CFAP20: variants seen among roughly 807,000 people sequenced by gnomAD.
CFAP20 encodes the protein cilia and flagella associated protein 20, also known as cilia- and flagella-associated protein 20.
A neutral mutation model predicts 25.5 loss-of-function variants in CFAP20; 14 were observed. That is an observed-to-expected ratio of 0.55 (90% CI 0.36 to 0.86). The LOEUF is 0.86. Ranked by LOEUF, CFAP20 falls within the 40% of genes least tolerant of loss-of-function variation. The probability of loss-of-function intolerance (pLI) is 0.01; values close to 1 mark genes in which losing one functional copy is unlikely to be tolerated. For missense variants in CFAP20, 181 were observed against 248.0 expected, an observed-to-expected ratio of 0.73 and a Z score of 1.81; for synonymous variants, 75 against 91.1, an observed-to-expected ratio of 0.82 and a Z score of 1.01.
chr16:58,123,195 A>G (rs528006564), intron 1 of CFAP20, among the ~76,000 whole-genome samples: 49 of 151,362 alleles, frequency 3.2e-4, no homozygotes, highest in Admixed American at 2.7e-3. Context: ...GGATTTCTTC[A>G]TGTTGGTCAG....
intron 3 of CFAP20, 61 bp downstream of exon 3, chr16:58,115,980 A>C: frequency 8.2e-7 from 1 of 1,215,490 alleles, no homozygotes; most frequent in Non-Finnish European, 1.2e-6. Flanking sequence ...TTTTCCCATC[A>C]GTTCAAAGGC....
At position 58,123,234 on chromosome 16, in the gene CFAP20, G is replaced by A. The variant is rs1333290215; in HGVS notation, c.84+5798C>T. On this transcript the variant is annotated intron_variant, in intron 1 of 5. Transcript: ENST00000262498. The stretch of plus-strand genomic sequence containing the variant: ...GGTCTTGAACTCCTGACCTCAGCTC[G>A]CCTTGGCCTCCCAAAGTGCTAGGAT... Among the ~76,000 whole-genome samples, 7 of 149,624 alleles carry A rather than the reference G, an allele frequency of 4.7e-5. No individual in the cohort carries two copies. In the South Asian group the frequency reaches 1.5e-3, roughly 31 times the overall value.
At chr16:58,126,913 A>G (rs1960621651) in intron 1 of CFAP20, among the ~76,000 whole-genome samples, 1 of 152,216 alleles carries the variant, frequency 6.6e-6, no homozygotes, top group Non-Finnish European at 1.5e-5. Context: ...CCTTGCCCCA[A>G]GAGGGGAAAA....
Position 58,117,070 on chromosome 16 carries a change from A to G in CFAP20, c.85-119T>C, listed in dbSNP as rs2270918. On this transcript the variant is annotated intron_variant, in intron 1 of 5. Transcript: ENST00000262498. ...AGAAATTTGTGACACAGCACACTGAAGCTTATATGTAAGTAAGCCAAGCTA... is the reference window on the plus strand; with the variant it reads ...AGAAATTTGTGACACAGCACACTGAGGCTTATATGTAAGTAAGCCAAGCTA... 5.3e-3 allele frequency: 4,240 copies of G among 795,914 alleles called. 95 individuals are homozygous for G. The East Asian group carries it at 0.059, about 11-fold the overall frequency. 49.3% of individuals were successfully genotyped at this position (795,914 alleles called of 1,614,324 possible).
chr16:58,113,680 T>C lies in CFAP20; in HGVS notation c.*345A>G, dbSNP rs540466672. 8.5e-5 allele frequency: 22 copies of C among 259,744 alleles called. No individual in the cohort carries two copies. In the East Asian group the frequency reaches 9.6e-4, roughly 11 times the overall value. The allele number at this position is 259,744 out of a possible 1,614,324, so 16.1% of individuals were successfully genotyped here. ...ATATATTTAGATAATATATAAAACA[T>C]AGAATAAACCGCAGGAAGAAATATT... On this transcript the variant is annotated 3_prime_UTR_variant, in exon 6 of 6. Transcript: ENST00000262498.
intron 1 of CFAP20, among the ~76,000 whole-genome samples, chr16:58,117,710 G>C (rs1330534491): frequency 6.6e-6 from 1 of 152,184 alleles, no homozygotes; most frequent in Non-Finnish European, 1.5e-5. Flanking sequence ...TGGAATTACA[G>C]GCATGGGCCA....
In CFAP20 at chr16:58,129,146, C is replaced by A. The variant is rs1185444609; in HGVS notation, c.-31G>T. On this transcript the variant is annotated 5_prime_UTR_variant, in exon 1 of 6. Coordinates refer to ENST00000262498, the MANE Select transcript of CFAP20 (RefSeq NM_013242.3). ...CGGCGGCCTTCTCCTAAGCCGCCCC[C>A]GGAGCCGACCTAGGCCCCGGAGTAG... 1 of 1,611,004 alleles carries A rather than the reference C, an allele frequency of 6.2e-7. No individual in the cohort carries two copies. The highest frequency in any genetic ancestry group is 8.5e-7 in the Non-Finnish European group (1 of 1,179,038).
chr16:58,118,318 A>G (rs574970445), intron 1 of CFAP20, among the ~76,000 whole-genome samples: 4 of 151,856 alleles, frequency 2.6e-5, no homozygotes, highest in African/African-American at 9.7e-5. Context: ...TGTTTCTACA[A>G]AAAATTAGCC....
chr16:58,115,096 A>T, intron 4 of CFAP20, 173 bp downstream of exon 4: 1 of 1,038,740 alleles, frequency 9.6e-7, no homozygotes, highest in Non-Finnish European at 1.4e-6. Context: ...TCACCTCTAT[A>T]CCTGACCCGA....
At chr16:58,116,564 G>A (rs948144932) in intron 2 of CFAP20, 4 of 418,660 alleles carry the variant, frequency 9.6e-6, no homozygotes, top group Non-Finnish European at 1.7e-5. Context: ...CACACACTTT[G>A]GTTAATAATA....
In CFAP20 at chr16:58,129,032, CT is replaced by C; in HGVS notation, c.83del (p.Lys28ArgfsTer20). 1 of 1,613,630 alleles carries C rather than the reference CT, an allele frequency of 6.2e-7. No homozygotes were observed. On this transcript the variant is annotated frameshift_variant and splice_region_variant, in exon 1 of 6. Transcript: ENST00000262498. LOFTEE classifies it high-confidence loss of function. ...GCCCCGTCGCCGCCCCTAGCCCGAC[CT>C]TTTTGTCCCAGATTTGCAGAGGCTT... ...GSKPLQIWDK[K>X]VRNGHIKRIT...
At chr16:58,127,508 C>G (rs1040974931) in intron 1 of CFAP20, among the ~76,000 whole-genome samples, 3 of 152,252 alleles carry the variant, frequency 2.0e-5, no homozygotes, top group African/African-American at 7.2e-5. Flanking sequence ...CAAGTGACAG[C>G]TGGGAAGCCA....
chr16:58,116,724 GA>G, intron 2 of CFAP20, 147 bp downstream of exon 2: 2 of 646,738 alleles, frequency 3.1e-6, no homozygotes, highest in Non-Finnish European at 5.4e-6. Flanking sequence ...AGGTCTGGGG[GA>G]TTCAGTAACT....
At chr16:58,117,389 C>T (rs904540797) in intron 1 of CFAP20, among the ~76,000 whole-genome samples, 1 of 152,196 alleles carries the variant, frequency 6.6e-6, no homozygotes, top group African/African-American at 2.4e-5. Context: ...AGCAGCCTTT[C>T]CACTGCCTCA....
At position 58,129,312 on chromosome 16, in the gene CFAP20, C is replaced by G. The variant is rs1307165675; in HGVS notation, c.-197G>C. 8 of 581,018 alleles carry G rather than the reference C, an allele frequency of 1.4e-5. No individual in the cohort carries two copies. The highest frequency in any genetic ancestry group is 9.4e-5 in the African/African-American group (5 of 53,452). 36.0% of individuals were successfully genotyped at this position (581,018 alleles called of 1,614,324 possible). A position where few individuals can be genotyped will look rare whatever the true frequency, so the allele number is the denominator to read the frequency against. Reference sequence around the variant, plus strand: ...ACGCTAAGTCCGCGATCTTCAGCTCCTAAGCTGCGAGCTCAGAACGGAAAC... The same window carrying G: ...ACGCTAAGTCCGCGATCTTCAGCTCGTAAGCTGCGAGCTCAGAACGGAAAC... On this transcript the variant is annotated 5_prime_UTR_variant, in exon 1 of 6. Coordinates refer to ENST00000262498, the MANE Select transcript of CFAP20 (RefSeq NM_013242.3).
rs148335973 is a variant in CFAP20, at chr16:58,117,850, A to C, written c.85-899T>G. 2.1e-4 allele frequency among the ~76,000 whole-genome samples: 32 copies of C among 152,304 alleles called. 1 individual carries two copies. The highest frequency in any genetic ancestry group is 6.7e-4 in the African/African-American group (28 of 41,568). ...GAGTTATCCTGCTTCATGCTTCCCTATCTGCTTTTGCCTAATTTTCTACTT... is the reference window on the plus strand; with the variant it reads ...GAGTTATCCTGCTTCATGCTTCCCTCTCTGCTTTTGCCTAATTTTCTACTT... On this transcript the variant is annotated intron_variant, in intron 1 of 5. Coordinates refer to ENST00000262498, the MANE Select transcript of CFAP20 (RefSeq NM_013242.3).
intron 1 of CFAP20, among the ~76,000 whole-genome samples, chr16:58,124,891 C>G (rs1005623120): frequency 2.0e-5 from 3 of 152,206 alleles, no homozygotes; most frequent in Non-Finnish European, 4.4e-5. Context: ...GGATTACAGG[C>G]ATGAGCCACT....
chr16:58,119,625 C>T (rs1446733030), intron 1 of CFAP20, among the ~76,000 whole-genome samples: 4 of 152,222 alleles, frequency 2.6e-5, no homozygotes, highest in Admixed American at 6.5e-5. Flanking sequence ...AGACACAAAA[C>T]GTCACATTGA....
chr16:58,124,684 G>A (rs1960587069), intron 1 of CFAP20, among the ~76,000 whole-genome samples: 2 of 152,248 alleles, frequency 1.3e-5, no homozygotes, highest in Admixed American at 6.5e-5. Flanking sequence ...GGCCATGAGT[G>A]GAGCATGCAG....
Sources: gnomAD v4.1 joint callset for allele counts (sites outside exome capture counted in the v4.1 genomes callset) on GRCh38, gnomAD v4.1.1 for gene constraint, MANE v1.5 for transcripts, NCBI Gene and HGNC (gene_info 2026-07-23, HGNC 2026-07-21) for gene names.